THSD4: variants seen among roughly 807,000 people sequenced by gnomAD.
THSD4 encodes the protein thrombospondin type 1 domain containing 4.
A neutral mutation model predicts 119.0 loss-of-function variants in THSD4; 69 were observed. That is an observed-to-expected ratio of 0.58 (90% confidence interval 0.48 to 0.71). The LOEUF (loss-of-function observed/expected upper bound fraction) is 0.71, where lower values mean the gene tolerates loss of function less well. THSD4 is among the 30% of genes least tolerant of loss of function. The probability of loss-of-function intolerance (pLI) is 0.00; values close to 1 mark genes in which losing one functional copy is unlikely to be tolerated. For missense variants in THSD4, 1,393 were observed against 1,391.1 expected (o/e 1.00, Z -0.02); for synonymous variants, 524 against 540.4 (o/e 0.97, Z 0.42).
intron 7 of THSD4, among the ~76,000 whole-genome samples, chr15:71,600,966 C>G (rs1438936312): frequency 1.3e-5 from 2 of 152,088 alleles, no homozygotes; most frequent in East Asian, 3.8e-4. Flanking sequence ...AGGCTGGTCT[C>G]AAACTCCTGA....
At chr15:71,759,049 A>G (rs1010207391) in intron 15 of THSD4, among the ~76,000 whole-genome samples, 1 of 152,230 alleles carries the variant, frequency 6.6e-6, no homozygotes, top group African/African-American at 2.4e-5. Flanking sequence ...ATATTATGGC[A>G]TATCATAACT....
intron 4 of THSD4, among the ~76,000 whole-genome samples, chr15:71,225,576 T>G: frequency 6.7e-6 from 1 of 148,908 alleles, no homozygotes. Context: ...GAGACGGAGT[T>G]TCGCTCTGTT....
intron 7 of THSD4, among the ~76,000 whole-genome samples, chr15:71,537,074 T>C (rs892303289): frequency 4.3e-4 from 65 of 152,174 alleles, no homozygotes; most frequent in Admixed American, 7.9e-4. Flanking sequence ...CAGTTAACAT[T>C]GTCTTTAAGG....
intron 7 of THSD4, among the ~76,000 whole-genome samples, chr15:71,462,782 AAACT>A (rs796722469): frequency 2.6e-5 from 4 of 152,344 alleles, no homozygotes; most frequent in African/African-American, 9.6e-5. Flanking sequence ...TACAGTCTCC[AAACT>A]AACTATCTTA....
intron 7 of THSD4, among the ~76,000 whole-genome samples, chr15:71,609,981 G>T (rs376881288): frequency 6.6e-5 from 10 of 152,284 alleles, no homozygotes; most frequent in Admixed American, 3.9e-4. Context: ...CAGTAAGCAA[G>T]CCAAATTAAA....
chr15:71,618,419 G>A (rs748649286), intron 7 of THSD4, among the ~76,000 whole-genome samples: 4 of 152,226 alleles, frequency 2.6e-5, no homozygotes, highest in African/African-American at 7.2e-5. Context: ...AAACAACAGA[G>A]CGCAGAAAGC....
At position 71,737,747 on chromosome 15, in the gene THSD4, G is replaced by A. The variant is rs560855892; in HGVS notation, c.1646G>A (p.Gly549Asp). Residue 549 changes from glycine (G) to aspartate (D), a missense_variant, in exon 11 of 18, where the codon GGC becomes GAC. Gly to Asp is a moderately conservative substitution (Grantham distance 94). Coordinates refer to ENST00000261862, the MANE Select transcript of THSD4 (RefSeq NM_024817.3). ...CCTCTCCTAGGGGAACCCTTCAATG[G>A]CCAGATGGTGACAGAAGGCAGGAGC... is the stretch of plus-strand genomic sequence containing the variant. ...PHRRPGEPFN[G>D]QMVTEGRSQE... The A allele has an allele frequency of 1.2e-6, 2 of 1,611,452 alleles. No homozygotes were observed. Among genetic ancestry groups the A allele is most frequent in the African/African-American group, 1.3e-5 (1 of 75,032 alleles).
At chr15:71,707,284 C>A (rs2052412157) in intron 8 of THSD4, among the ~76,000 whole-genome samples, 1 of 152,154 alleles carries the variant, frequency 6.6e-6, no homozygotes, top group Non-Finnish European at 1.5e-5. Context: ...CAGTAGTACC[C>A]AGCCCAGAAG....
intron 7 of THSD4, among the ~76,000 whole-genome samples, chr15:71,624,934 G>T (rs1230500893): frequency 6.6e-6 from 1 of 152,164 alleles, no homozygotes; most frequent in Non-Finnish European, 1.5e-5. Flanking sequence ...CCTGGTGGCT[G>T]GGATGGGATC....
chr15:71,400,671 C>A (rs1053199321), intron 6 of THSD4, among the ~76,000 whole-genome samples: 4 of 152,068 alleles, frequency 2.6e-5, no homozygotes, highest in Non-Finnish European at 5.9e-5. Context: ...TTTATTTAAC[C>A]CCTGCATATA....
At chr15:71,228,157 G>A (rs891920725) in intron 4 of THSD4, among the ~76,000 whole-genome samples, 1 of 152,070 alleles carries the variant, frequency 6.6e-6, no homozygotes, top group African/African-American at 2.4e-5. Flanking sequence ...TTATTCAGGT[G>A]AGTTCTATGT....
intron 6 of THSD4, among the ~76,000 whole-genome samples, chr15:71,320,268 T>A (rs989499847): frequency 6.6e-6 from 1 of 152,210 alleles, no homozygotes; most frequent in African/African-American, 2.4e-5. Flanking sequence ...TTATATAAGT[T>A]GTAAGCTCAT....
chr15:71,298,604 CTGACT>C (rs2044898862), intron 6 of THSD4, among the ~76,000 whole-genome samples: 3 of 138,032 alleles, frequency 2.2e-5, no homozygotes, highest in African/African-American at 8.0e-5. Context: ...TGGATATGTG[CTGACT>C]TTTTTTTTTT....
At chr15:71,296,407 CG>C (rs2044863827) in intron 6 of THSD4, among the ~76,000 whole-genome samples, 1 of 152,148 alleles carries the variant, frequency 6.6e-6, no homozygotes, top group Non-Finnish European at 1.5e-5. Flanking sequence ...ACATCTGGTT[CG>C]TGGATATGTG....
At position 71,529,875 on chromosome 15, in the gene THSD4, A is replaced by C. The variant is rs184397597; in HGVS notation, c.1152+118052A>C. 1.2e-3 allele frequency among the ~76,000 whole-genome samples: 179 copies of C among 152,302 alleles called. 2 individuals are homozygous for C. The highest frequency in any genetic ancestry group is 3.4e-3 in the Middle Eastern group (1 of 294). On this transcript the variant is annotated intron_variant, in intron 7 of 17. Coordinates refer to ENST00000261862, the MANE Select transcript of THSD4 (RefSeq NM_024817.3). ...CTCCCAGCCTAATGCCTGACGTAAT[A>C]AATATTAAAACCCTACCCTTTCTTA...
At chr15:71,220,199 C>T (rs28631912) in intron 4 of THSD4, among the ~76,000 whole-genome samples, 1,537 of 152,160 alleles carry the variant, frequency 0.01, 29 homozygotes, top group African/African-American at 0.034. Context: ...GGTAGAGATA[C>T]GACCAGGGTT....
At chr15:71,542,774 C>T (rs745843545) in intron 7 of THSD4, among the ~76,000 whole-genome samples, 1 of 151,348 alleles carries the variant, frequency 6.6e-6, no homozygotes, top group Non-Finnish European at 1.5e-5. Context: ...CTACTCGGGA[C>T]GCTGAGGCAG....
chr15:71,391,779 C>T (rs1190614845), intron 6 of THSD4, among the ~76,000 whole-genome samples: 4 of 152,038 alleles, frequency 2.6e-5, no homozygotes, highest in East Asian at 1.9e-4. Context: ...CTGCAGGAGA[C>T]GATGGCCTCT....
intron 7 of THSD4, among the ~76,000 whole-genome samples, chr15:71,519,321 A>G (rs897962064): frequency 6.6e-6 from 1 of 152,190 alleles, no homozygotes; most frequent in Admixed American, 6.5e-5. Flanking sequence ...GGGACACCAC[A>G]GGGTTCTAAG....
Sources: allele counts gnomAD v4.1 joint callset (sites outside exome capture counted in the v4.1 genomes callset), GRCh38; gene constraint gnomAD v4.1.1; transcripts MANE v1.5; gene names NCBI Gene and HGNC (gene_info 2026-07-23, HGNC 2026-07-21).